Variants in CEP112 observed in about 807,000 individuals in gnomAD.
The protein encoded by CEP112 is centrosomal protein 112, also known as centrosomal protein of 112 kDa.
Under a neutral mutation model 153.0 loss-of-function variants are expected in CEP112, and 127 were observed. The ratio of observed to expected loss-of-function variants is 0.83; its 90% CI spans 0.72 to 0.96. The LOEUF is 0.96. Among genes scored for constraint, CEP112 ranks in the 40% least tolerant of loss-of-function variants. The probability of loss-of-function intolerance (pLI) is 0.00; values close to 1 mark genes in which losing one functional copy is unlikely to be tolerated. For missense variants in CEP112, 1,089 were observed against 1,101.2 expected (o/e 0.99, Z 0.16); for synonymous variants, 358 against 374.4 (o/e 0.96, Z 0.51).
intron 5 of CEP112, among the ~76,000 whole-genome samples, chr17:66,130,315 A>G (rs949806883): frequency 1.3e-5 from 2 of 152,180 alleles, no homozygotes; most frequent in Non-Finnish European, 2.9e-5. Context: ...CAGTAGCTTT[A>G]AAGTGTATTG....
Position 65,757,510 on chromosome 17 carries a change from G to A in CEP112, c.2395-6786C>T, listed in dbSNP as rs117327651. 6.8e-3 allele frequency among the ~76,000 whole-genome samples: 1,032 copies of A among 152,282 alleles called. 7 individuals carry two copies. The highest frequency in any genetic ancestry group is 0.01 in the Non-Finnish European group (709 of 68,034). ...TCCAGTATGAGTCCCAGGACTCCAG[G>A]AAGCATCAGGACCCACTTGAAATTG... On this transcript the variant is annotated intron_variant, in intron 21 of 26. Coordinates refer to ENST00000535342, the MANE Select transcript of CEP112 (RefSeq NM_001199165.4).
intron 21 of CEP112, among the ~76,000 whole-genome samples, chr17:65,815,897 C>T (rs748212627): frequency 2.0e-5 from 3 of 151,970 alleles, no homozygotes; most frequent in African/African-American, 4.8e-5. Flanking sequence ...TTGCAGATTC[C>T]TTTTATCTCA....
At chr17:65,922,414 A>C (rs2060765965) in intron 19 of CEP112, among the ~76,000 whole-genome samples, 1 of 152,110 alleles carries the variant, frequency 6.6e-6, no homozygotes, top group African/African-American at 2.4e-5. Flanking sequence ...TTTTTAACTC[A>C]AAATACTTTT....
intron 21 of CEP112, among the ~76,000 whole-genome samples, chr17:65,821,844 G>T (rs939050946): frequency 2.6e-5 from 4 of 151,400 alleles, no homozygotes; most frequent in Non-Finnish European, 4.4e-5. Flanking sequence ...GAGCCACCGT[G>T]CCTGGCCTAA....
At chr17:65,861,751 G>A (rs1452825442) in intron 20 of CEP112, among the ~76,000 whole-genome samples, 2 of 152,120 alleles carry the variant, frequency 1.3e-5, no homozygotes, top group Admixed American at 6.5e-5. Context: ...CCAAATGCTG[G>A]CAAGAATGTG....
At chr17:65,877,460 A>C (rs2058875766) in intron 20 of CEP112, among the ~76,000 whole-genome samples, 1 of 152,184 alleles carries the variant, frequency 6.6e-6, no homozygotes, top group Admixed American at 6.5e-5. Context: ...CCTTACTCTT[A>C]AAGTAGTAGC....
intron 20 of CEP112, among the ~76,000 whole-genome samples, chr17:65,858,595 T>G (rs776482419): frequency 9.2e-5 from 14 of 152,190 alleles, no homozygotes; most frequent in African/African-American, 3.4e-4. Flanking sequence ...GCTTTATTTT[T>G]ATTCCCAATA....
intron 16 of CEP112, among the ~76,000 whole-genome samples, chr17:66,011,786 T>C (rs1235102117): frequency 1.3e-5 from 2 of 152,186 alleles, no homozygotes; most frequent in Non-Finnish European, 2.9e-5. Flanking sequence ...TCTCCCTTGA[T>C]GATCTGACAT....
At chr17:65,971,114 CTT>C (rs1324014416) in intron 17 of CEP112, among the ~76,000 whole-genome samples, 1 of 152,122 alleles carries the variant, frequency 6.6e-6, no homozygotes, top group Non-Finnish European at 1.5e-5. Flanking sequence ...TTGCATGTTC[CTT>C]GCGTGTATGA....
intron 21 of CEP112, among the ~76,000 whole-genome samples, chr17:65,766,944 A>T (rs1409766658): frequency 6.8e-6 from 1 of 148,068 alleles, no homozygotes; most frequent in East Asian, 2.0e-4. Context: ...ATAGCAATAC[A>T]GTAATAGTGG....
intron 17 of CEP112, among the ~76,000 whole-genome samples, chr17:65,972,702 C>T (rs1297536925): frequency 6.6e-6 from 1 of 152,152 alleles, no homozygotes; most frequent in Non-Finnish European, 1.5e-5. Context: ...TATGTCACTA[C>T]AGATTTTATA....
chr17:65,923,877 C>T (rs2060822409), intron 19 of CEP112, among the ~76,000 whole-genome samples: 1 of 152,150 alleles, frequency 6.6e-6, no homozygotes, highest in Non-Finnish European at 1.5e-5. Flanking sequence ...CTTTATTCCC[C>T]TCACCAATAT....
intron 21 of CEP112, among the ~76,000 whole-genome samples, chr17:65,818,892 T>C (rs2056399859): frequency 6.6e-6 from 1 of 151,898 alleles, no homozygotes; most frequent in Non-Finnish European, 1.5e-5. Flanking sequence ...AGTCACTCTA[T>C]TTTTAGAAAA....
At chr17:65,875,440 T>C (rs2058795468) in intron 20 of CEP112, among the ~76,000 whole-genome samples, 1 of 152,160 alleles carries the variant, frequency 6.6e-6, no homozygotes, top group African/African-American at 2.4e-5. Flanking sequence ...AGACACATTT[T>C]ATTCTTTCAG....
chr17:66,042,786 G>A (rs1243871539), intron 12 of CEP112, among the ~76,000 whole-genome samples: 1 of 152,104 alleles, frequency 6.6e-6, no homozygotes, highest in Non-Finnish European at 1.5e-5. Context: ...CCGAGTGCAG[G>A]TTATATGGGA....
chr17:66,163,606 C>G (rs536587110), intron 4 of CEP112, among the ~76,000 whole-genome samples: 4 of 151,692 alleles, frequency 2.6e-5, no homozygotes, highest in Non-Finnish European at 5.9e-5. Flanking sequence ...CTTAACAAAA[C>G]TAGAAAAAGG....
intron 17 of CEP112, among the ~76,000 whole-genome samples, chr17:66,000,152 G>A (rs1184078267): frequency 4.6e-5 from 7 of 151,854 alleles, no homozygotes; most frequent in Non-Finnish European, 7.4e-5. Context: ...TTGCCACACT[G>A]TCTTCCAATG....
At chr17:66,099,548 G>A (rs1319174922) in intron 6 of CEP112, among the ~76,000 whole-genome samples, 1 of 150,180 alleles carries the variant, frequency 6.7e-6, no homozygotes, top group African/African-American at 2.4e-5. Context: ...AAGCCAGGCT[G>A]ACAACCACAA....
chr17:65,964,113 T>G (rs2062322572), intron 17 of CEP112, among the ~76,000 whole-genome samples: 1 of 152,224 alleles, frequency 6.6e-6, no homozygotes, highest in South Asian at 2.1e-4. Context: ...TGGAAGTTTT[T>G]AAAAGCTATT....
Sources: allele counts gnomAD v4.1 joint callset (sites outside exome capture counted in the v4.1 genomes callset), GRCh38; gene constraint gnomAD v4.1.1; transcripts MANE v1.5; gene names NCBI Gene and HGNC (gene_info 2026-07-23, HGNC 2026-07-21).